Variants in RB1 observed in about 807,000 individuals in gnomAD.
RB1 encodes the protein retinoblastoma-associated protein.
RB1 carries 18 observed loss-of-function variants against 135.4 expected under a neutral mutation model. The observed-to-expected ratio is 0.13, with a 90% CI of 0.09 to 0.20. RB1 has a LOEUF of 0.20. Among genes scored for constraint, RB1 ranks in the 10% least tolerant of loss-of-function variants. The pLI, the probability that RB1 is intolerant of heterozygous loss-of-function variation, is 1.00. For missense variants in RB1, 868 were observed against 1,110.0 expected, an observed-to-expected ratio of 0.78 and a Z score of 3.10; for synonymous variants, 365 against 373.2, an observed-to-expected ratio of 0.98 and a Z score of 0.25.
At chr13:48,388,182 A>C (rs578180995) in intron 17 of RB1, among the ~76,000 whole-genome samples, 1 of 152,350 alleles carries the variant, frequency 6.6e-6, no homozygotes, top group Admixed American at 6.5e-5. Flanking sequence ...TATAAAATGT[A>C]GCAGTTAATT....
chr13:48,328,759 T>A (rs1160415664), intron 2 of RB1, among the ~76,000 whole-genome samples: 1 of 152,218 alleles, frequency 6.6e-6, no homozygotes, highest in Non-Finnish European at 1.5e-5. Flanking sequence ...CAGCAAACAC[T>A]GCTATAACAC....
chr13:48,339,364 C>T (rs1194599548), intron 2 of RB1, among the ~76,000 whole-genome samples: 5 of 152,218 alleles, frequency 3.3e-5, no homozygotes, highest in Non-Finnish European at 7.3e-5. Context: ...ACTCAAGCTT[C>T]AGCAATGGCG....
intron 17 of RB1, among the ~76,000 whole-genome samples, chr13:48,394,276 G>A (rs936537745): frequency 4.9e-4 from 75 of 152,146 alleles, no homozygotes; most frequent in African/African-American, 1.7e-3. Context: ...AGATTCCCTC[G>A]GGTGCCTACA....
chr13:48,436,190 G>A (rs1457126016), intron 17 of RB1, among the ~76,000 whole-genome samples: 1 of 152,204 alleles, frequency 6.6e-6, no homozygotes, highest in African/African-American at 2.4e-5. Flanking sequence ...GGTTGGTGAT[G>A]AAGGAAATGA....
At chr13:48,399,919 T>A (rs2138178137) in intron 17 of RB1, among the ~76,000 whole-genome samples, 1 of 152,152 alleles carries the variant, frequency 6.6e-6, no homozygotes, top group Non-Finnish European at 1.5e-5. Context: ...GAAATATTCA[T>A]AACTTGTCTA....
intron 16 of RB1, 104 bp from the exon 17 acceptor site, chr13:48,381,143 T>A: frequency 6.9e-7 from 1 of 1,445,816 alleles, no homozygotes; most frequent in African/African-American, 1.4e-5. Flanking sequence ...ATAAAAATGG[T>A]TTAACCTTTC....
chr13:48,403,438 T>C (rs571826035), intron 17 of RB1, among the ~76,000 whole-genome samples: 1 of 152,142 alleles, frequency 6.6e-6, no homozygotes, highest in African/African-American at 2.4e-5. Flanking sequence ...TTCATTTTTT[T>C]AGTATAAAAA....
chr13:48,380,405 AGAGGCTTATTT>A (rs571665922), intron 16 of RB1, among the ~76,000 whole-genome samples, 164 bp downstream of exon 16: 243 of 152,272 alleles, frequency 1.6e-3, no homozygotes, highest in African/African-American at 5.5e-3. Flanking sequence ...AAGCCATTTA[AGAGGCTTATTT>A]GAGTTATTTG....
Position 48,473,301 on chromosome 13 carries a change from C to T in RB1, c.2490-59C>T, listed in dbSNP as rs1287425280. 2 of 1,389,436 alleles carry T rather than the reference C, an allele frequency of 1.4e-6. No individual in the cohort carries two copies. Among genetic ancestry groups the T allele is most frequent in the Non-Finnish European group, 2.0e-6 (2 of 980,574 alleles). 86.1% of individuals were successfully genotyped at this position (1,389,436 alleles called of 1,614,324 possible). ...TTCAGAATGATGTATTTATGCTCAT[C>T]TCTGCAAAATTGTATATGGTTTTTT... On this transcript the variant is annotated intron_variant, in intron 23 of 26. Coordinates refer to ENST00000267163, the MANE Select transcript of RB1 (RefSeq NM_000321.3).
At chr13:48,339,685 C>A (rs190130236) in intron 2 of RB1, among the ~76,000 whole-genome samples, 1 of 152,274 alleles carries the variant, frequency 6.6e-6, no homozygotes, top group Non-Finnish European at 1.5e-5. Context: ...CTTTCCTGCA[C>A]CCACTGTCTG....
chr13:48,324,425 T>A (rs1435261744), intron 2 of RB1, among the ~76,000 whole-genome samples: 5 of 92,116 alleles, frequency 5.4e-5, no homozygotes, highest in African/African-American at 2.4e-4. Context: ...TCTCCATGAG[T>A]TCAATATTTT....
chr13:48,435,772 C>A (rs1949177058), intron 17 of RB1, among the ~76,000 whole-genome samples: 2 of 152,018 alleles, frequency 1.3e-5, no homozygotes, highest in Non-Finnish European at 2.9e-5. Context: ...GAGTTGGGCA[C>A]CATGGATGTT....
rs916588731 is a variant in RB1 at position 48,480,449 on chromosome 13, T to A, written c.*378T>A. ...TGTAGCATATAGGTGATGTTTGCTC[T>A]TGTTTTTATTAATTTATATGTATAT... On this transcript the variant is annotated 3_prime_UTR_variant, in exon 27 of 27. Coordinates refer to ENST00000267163, the MANE Select transcript of RB1 (RefSeq NM_000321.3). 1 of 247,424 alleles carries A rather than the reference T, an allele frequency of 4.0e-6. No homozygotes were observed. Among genetic ancestry groups the A allele is most frequent in the Non-Finnish European group, 7.9e-6 (1 of 126,548 alleles). The allele number at this position is 247,424 out of a possible 1,614,324, so 15.3% of individuals were successfully genotyped here. A position where few individuals can be genotyped will look rare whatever the true frequency, so the allele number is the denominator to read the frequency against.
intron 17 of RB1, among the ~76,000 whole-genome samples, chr13:48,451,986 A>T (rs1187864059): frequency 6.6e-6 from 1 of 151,582 alleles, no homozygotes; most frequent in Non-Finnish European, 1.5e-5. Flanking sequence ...GATTGCGTTT[A>T]TTCCATTCTT....
chr13:48,338,507 C>T (rs534376933), intron 2 of RB1, among the ~76,000 whole-genome samples: 105 of 152,310 alleles, frequency 6.9e-4, no homozygotes, highest in African/African-American at 2.3e-3. Flanking sequence ...ACGTAGTTCT[C>T]GTGCCATGGT....
rs550566815 is a variant in RB1 at position 48,353,218 on chromosome 13, A to G, written c.607+4195A>G. Among the ~76,000 whole-genome samples the G allele has an allele frequency of 4.6e-5, 7 of 152,260 alleles. No individual in the cohort carries two copies. The South Asian group carries it at 1.5e-3, about 32-fold the overall frequency. On this transcript the variant is annotated intron_variant, in intron 6 of 26. Transcript: ENST00000267163. ...AGCCTTTAGCTAGATTAACTAAGGA[A>G]AAAAGAGAGAAGATACAAATAAGAT...
intron 17 of RB1, chr13:48,427,036 G>A (rs1319537291): frequency 1.3e-5 from 2 of 153,222 alleles, no homozygotes; most frequent in African/African-American, 4.8e-5. Context: ...GATCTCTTGT[G>A]AACTAACTGA....
At chr13:48,354,512 A>C (rs1354974387) in intron 6 of RB1, among the ~76,000 whole-genome samples, 1 of 152,198 alleles carries the variant, frequency 6.6e-6, no homozygotes, top group Non-Finnish European at 1.5e-5. Context: ...ATACTACCCA[A>C]AGCAATCTAT....
chr13:48,444,341 AC>A (rs1186410106), intron 17 of RB1, among the ~76,000 whole-genome samples: 1 of 151,840 alleles, frequency 6.6e-6, no homozygotes, highest in African/African-American at 2.4e-5. Context: ...ACATGGCAAA[AC>A]CCCGTCTCTA....
Sources: gnomAD v4.1 joint callset for allele counts (sites outside exome capture counted in the v4.1 genomes callset) on GRCh38, gnomAD v4.1.1 for gene constraint, MANE v1.5 for transcripts, NCBI Gene and HGNC (gene_info 2026-07-23, HGNC 2026-07-21) for gene names.